PEX5L: variants seen among roughly 807,000 people sequenced by gnomAD.
PEX5L encodes the protein peroxisomal biogenesis factor 5 like.
Under a neutral mutation model 84.0 loss-of-function variants are expected in PEX5L, and 30 were observed. That is an observed-to-expected ratio of 0.36 (90% CI 0.27 to 0.48). PEX5L has a LOEUF of 0.48. Among genes scored for constraint, PEX5L ranks in the 20% least tolerant of loss-of-function variants. The pLI, the probability that PEX5L is intolerant of heterozygous loss-of-function variation, is 0.99. For synonymous variants in PEX5L, 270 were observed against 283.1 expected (o/e 0.95, Z 0.46); for missense variants, 533 against 754.6 (o/e 0.71, Z 3.44).
intron 1 of PEX5L, among the ~76,000 whole-genome samples, chr3:179,978,067 T>A (rs1435068213): frequency 6.6e-6 from 1 of 152,230 alleles, no homozygotes; most frequent in Non-Finnish European, 1.5e-5. Context: ...GCCATATGCA[T>A]GAGCCCAGAC....
At position 179,801,755 on chromosome 3, in the gene PEX5L, T is replaced by C. The variant is rs1472742179; in HGVS notation, c.*73A>G. 5.0e-6 allele frequency: 5 copies of C among 996,370 alleles called. No homozygotes were observed. The African/African-American group carries it at 6.4e-5, about 13-fold the overall frequency. The allele number at this position is 996,370 out of a possible 1,614,324, so 61.7% of individuals were successfully genotyped here. ...ATTTGATTTATCCTTTTGAAATTCA[T>C]AATAAAATAGTTTTTGATTTTTCAG... On this transcript the variant is annotated 3_prime_UTR_variant, in exon 15 of 15. Transcript: ENST00000467460.
At chr3:179,865,811 A>G (rs937646072) in intron 7 of PEX5L, among the ~76,000 whole-genome samples, 25 of 152,256 alleles carry the variant, frequency 1.6e-4, no homozygotes, top group African/African-American at 5.5e-4. Flanking sequence ...TGCATTTCTA[A>G]CAAGTTCTCA....
chr3:179,890,136 T>G (rs962484434), intron 3 of PEX5L, among the ~76,000 whole-genome samples: 1 of 152,192 alleles, frequency 6.6e-6, no homozygotes, highest in Non-Finnish European at 1.5e-5. Flanking sequence ...CCATATGTGC[T>G]TAATGTAATG....
At chr3:179,974,457 G>A (rs1785493801) in intron 1 of PEX5L, among the ~76,000 whole-genome samples, 1 of 152,202 alleles carries the variant, frequency 6.6e-6, no homozygotes, top group Non-Finnish European at 1.5e-5. Flanking sequence ...GCCGAGGAGG[G>A]AGCATTAGTG....
intron 1 of PEX5L, among the ~76,000 whole-genome samples, chr3:179,993,262 T>C (rs1787553310): frequency 6.6e-6 from 1 of 152,158 alleles, no homozygotes. Context: ...TTTGCACAAG[T>C]TCTTTGGCAA....
chr3:179,822,989 T>C (rs1729044856), intron 8 of PEX5L, among the ~76,000 whole-genome samples: 1 of 152,224 alleles, frequency 6.6e-6, no homozygotes. Context: ...AAAATGAAGA[T>C]ATAATAGCAA....
At chr3:180,006,106 T>A (rs760806267) in intron 1 of PEX5L, among the ~76,000 whole-genome samples, 1 of 152,226 alleles carries the variant, frequency 6.6e-6, no homozygotes, top group Non-Finnish European at 1.5e-5. Flanking sequence ...TAGTACTCTT[T>A]AATGTATTCA....
intron 2 of PEX5L, among the ~76,000 whole-genome samples, chr3:179,961,189 TTGTGTA>T (rs199506643): frequency 0.013 from 1,879 of 144,188 alleles, 30 homozygotes; most frequent in East Asian, 0.036. Context: ...GAATGATCAC[TTGTGTA>T]TGTGTATGTG....
At chr3:179,975,465 A>G (rs970419362) in intron 1 of PEX5L, among the ~76,000 whole-genome samples, 1 of 152,226 alleles carries the variant, frequency 6.6e-6, no homozygotes, top group Non-Finnish European at 1.5e-5. Context: ...GGGAAAAGGA[A>G]CACTTGATTT....
At chr3:179,810,201 G>T (rs1357166392) in intron 11 of PEX5L, among the ~76,000 whole-genome samples, 1 of 151,460 alleles carries the variant, frequency 6.6e-6, no homozygotes, top group Non-Finnish European at 1.5e-5. Context: ...TAGAGACAGG[G>T]TTTCCATGTT....
intron 3 of PEX5L, among the ~76,000 whole-genome samples, chr3:179,889,038 A>C (rs1756806350): frequency 6.6e-6 from 1 of 152,062 alleles, no homozygotes; most frequent in South Asian, 2.1e-4. Flanking sequence ...CGACCTCCTA[A>C]AGTGTTGAGA....
Position 179,888,180 on chromosome 3 carries a change from C to T in PEX5L, c.199-396G>A, listed in dbSNP as rs759158595. ...GCTTCAGACTCAAAGATGACATGTTCTGGTTAGCACTGCTCAGTCAGTGTT... is the reference window on the plus strand; with the variant it reads ...GCTTCAGACTCAAAGATGACATGTTTTGGTTAGCACTGCTCAGTCAGTGTT... On this transcript the variant is annotated intron_variant, in intron 3 of 14. Coordinates refer to ENST00000467460, the MANE Select transcript of PEX5L (RefSeq NM_016559.3). 54 of 1,289,252 alleles carry T rather than the reference C, an allele frequency of 4.2e-5. 1 individual carries two copies. The South Asian group carries it at 5.9e-4, about 14-fold the overall frequency. The allele number at this position is 1,289,252 out of a possible 1,614,324, so 79.9% of individuals were successfully genotyped here. A position where few individuals can be genotyped will look rare whatever the true frequency, so the allele number is the denominator to read the frequency against.
intron 7 of PEX5L, among the ~76,000 whole-genome samples, chr3:179,860,935 G>C (rs1745883533): frequency 6.6e-6 from 1 of 152,196 alleles, no homozygotes; most frequent in South Asian, 2.1e-4. Flanking sequence ...AGTCATACCA[G>C]GAAGACAGAA....
Position 179,796,299 on chromosome 3 carries a change from A to G in PEX5L, c.*5529T>C, listed in dbSNP as rs1716929389. ...AGTGCAGGCTTCTATTAAGTATCCC[A>G]CGGAGCTCATCAGGGTTTTGCTCTG... On this transcript the variant is annotated 3_prime_UTR_variant, in exon 15 of 15. Coordinates refer to ENST00000467460, the MANE Select transcript of PEX5L (RefSeq NM_016559.3). 1 of 152,014 alleles carries G rather than the reference A, an allele frequency of 6.6e-6. No homozygotes were observed. Among genetic ancestry groups the G allele is most frequent in the African/African-American group, 2.4e-5 (1 of 41,358 alleles). The allele number at this position is 152,014 out of a possible 1,614,324, so 9.4% of individuals were successfully genotyped here.
At chr3:179,937,615 T>C (rs1244084233) in intron 2 of PEX5L, among the ~76,000 whole-genome samples, 1 of 152,078 alleles carries the variant, frequency 6.6e-6, no homozygotes, top group Non-Finnish European at 1.5e-5. Context: ...GGCTTTGGGG[T>C]TTCCCTTGCA....
chr3:179,875,313 T>C, intron 6 of PEX5L, 41 bp downstream of exon 6: 1 of 1,605,772 alleles, frequency 6.2e-7, no homozygotes, highest in South Asian at 1.1e-5. Flanking sequence ...CTCATAAAGT[T>C]GATACATAAA....
intron 1 of PEX5L, among the ~76,000 whole-genome samples, chr3:180,004,905 G>A (rs1788737711): frequency 6.6e-6 from 1 of 152,060 alleles, no homozygotes; most frequent in Admixed American, 6.6e-5. Flanking sequence ...TAAAAATTGA[G>A]CATCTCATAT....
intron 2 of PEX5L, among the ~76,000 whole-genome samples, chr3:179,938,188 G>C (rs185762457): frequency 3.9e-5 from 6 of 152,136 alleles, no homozygotes; most frequent in Admixed American, 3.9e-4. Context: ...CTCAAATGGA[G>C]ATTCATAGAG....
chr3:179,849,471 A>C (rs563415093), intron 8 of PEX5L, among the ~76,000 whole-genome samples: 4 of 152,386 alleles, frequency 2.6e-5, no homozygotes, highest in African/African-American at 9.6e-5. Flanking sequence ...CCCAAATGCC[A>C]TATTTTCAAA....
Sources: gnomAD v4.1 joint callset for allele counts (sites outside exome capture counted in the v4.1 genomes callset) on GRCh38, gnomAD v4.1.1 for gene constraint, MANE v1.5 for transcripts, NCBI Gene and HGNC (gene_info 2026-07-23, HGNC 2026-07-21) for gene names.